Variants in TBL1X observed in about 807,000 individuals in gnomAD.
The protein encoded by TBL1X is transducin beta like 1 X-linked.
TBL1X carries 10 observed loss-of-function variants against 50.7 expected under a neutral mutation model. That is an observed-to-expected ratio of 0.20 (90% CI 0.12 to 0.33). The LOEUF (loss-of-function observed/expected upper bound fraction) is 0.33. TBL1X is among the 10% of genes least tolerant of loss of function. TBL1X has a pLI of 1.00. For synonymous variants in TBL1X, 190 were observed against 214.7 expected, an observed-to-expected ratio of 0.88 and a Z score of 1.01; for missense variants, 340 against 504.4, an observed-to-expected ratio of 0.67 and a Z score of 3.12.
At chrX:9,563,549 A>T (rs1281935365) in intron 2 of TBL1X, among the ~76,000 whole-genome samples, 2 of 112,762 alleles carry the variant, frequency 1.8e-5, no homozygotes, top group Non-Finnish European at 3.7e-5. Context: ...ATTTTAAAAA[A>T]TTTTTGGCAT....
chrX:9,658,149 G>A (rs1229111192), intron 5 of TBL1X, among the ~76,000 whole-genome samples: 44 of 111,421 alleles, frequency 3.9e-4, no homozygotes, highest in Non-Finnish European at 7.5e-5. Flanking sequence ...TGATTGTGAG[G>A]CCTCCCCAGC....
Position 9,693,125 on chromosome X carries a change from G to T in TBL1X, c.892-24G>T, listed in dbSNP as rs3747430. 530,071 of 1,207,968 alleles carry T rather than the reference G, an allele frequency of 0.44. 79,864 individuals are homozygous for T. The highest frequency in any genetic ancestry group is 0.59 in the African/African-American group (33,346 of 56,666). ...GCCGCTCCTAAGTTGTTTTTGTGGG[G>T]TTTTGTCTCTTTCTGGCCCTCAGAC... On this transcript the variant is annotated intron_variant, in intron 9 of 17. Coordinates refer to ENST00000645353, the MANE Select transcript of TBL1X (RefSeq NM_005647.4).
rs768036252 is a variant in TBL1X, at chrX:9,688,225, A to G, written c.566A>G (p.Lys189Arg). Residue 189 changes from lysine to arginine, a missense_variant, in exon 7 of 18, where the codon AAG becomes AGG. Lys to Arg is a conservative substitution (Grantham distance 26, BLOSUM62 2). Around this residue, in one of 6 missense-constraint regions of TBL1X, gnomAD observed 99 missense variants for 93.3 expected, o/e 1.06. Coordinates refer to ENST00000645353, the MANE Select transcript of TBL1X (RefSeq NM_005647.4). ...GGCGTTTCCCACCAAAATCCATCGAAGAACAGAGAGGCCACGGTGAATGGG... is the reference window on the plus strand; with the variant it reads ...GGCGTTTCCCACCAAAATCCATCGAGGAACAGAGAGGCCACGGTGAATGGG... ...SAGVSHQNPS[K>R]NREATVNGEE... 1.3e-5 allele frequency: 16 copies of G among 1,200,179 alleles called. No homozygotes were observed. The highest frequency in any genetic ancestry group is 2.3e-4 in the Middle Eastern group (1 of 4,339).
At chrX:9,496,226 T>A (rs1432064123) in intron 1 of TBL1X, among the ~76,000 whole-genome samples, 1 of 110,587 alleles carries the variant, frequency 9.0e-6, no homozygotes, top group Non-Finnish European at 1.9e-5. Flanking sequence ...GAAAGAGAGG[T>A]GGGGACTGAG....
chrX:9,657,635 C>T (rs1040161411), intron 5 of TBL1X, among the ~76,000 whole-genome samples: 1 of 112,479 alleles, frequency 8.9e-6, no homozygotes, highest in African/African-American at 3.2e-5. Flanking sequence ...TTTAGCAAAC[C>T]ACATATATTT....
At chrX:9,632,019 C>T (rs2082724201) in intron 2 of TBL1X, among the ~76,000 whole-genome samples, 1 of 112,469 alleles carries the variant, frequency 8.9e-6, no homozygotes, top group Admixed American at 9.4e-5. Flanking sequence ...TTAAAGATTT[C>T]ATTGTCTTCT....
chrX:9,714,003 C>T (rs1192475825), intron 16 of TBL1X, among the ~76,000 whole-genome samples: 1 of 110,691 alleles, frequency 9.0e-6, no homozygotes, highest in Non-Finnish European at 1.9e-5. Context: ...TTTGTAGAGA[C>T]GAAGTCTCAC....
intron 2 of TBL1X, among the ~76,000 whole-genome samples, chrX:9,582,225 T>C (rs1489758554): frequency 8.9e-6 from 1 of 112,238 alleles, no homozygotes; most frequent in East Asian, 2.8e-4. Context: ...TAAAGTGTTT[T>C]CACAGTAGCT....
chrX:9,630,857 T>G (rs2082717696), intron 2 of TBL1X, among the ~76,000 whole-genome samples: 1 of 112,612 alleles, frequency 8.9e-6, no homozygotes, highest in Admixed American at 9.4e-5. Context: ...ATTAGAGGCG[T>G]GAGCCACCAC....
At chrX:9,539,035 G>C (rs1360511282) in intron 2 of TBL1X, among the ~76,000 whole-genome samples, 1 of 112,435 alleles carries the variant, frequency 8.9e-6, no homozygotes, top group Non-Finnish European at 1.9e-5. Flanking sequence ...TTACTCTGAT[G>C]GGGAGATACT....
intron 1 of TBL1X, among the ~76,000 whole-genome samples, chrX:9,467,728 C>T (rs2081785665): frequency 9.0e-6 from 1 of 111,577 alleles, no homozygotes; most frequent in African/African-American, 3.3e-5. Context: ...CCACTCCCGC[C>T]CTCACTTTCT....
intron 2 of TBL1X, among the ~76,000 whole-genome samples, chrX:9,601,394 C>A (rs17255104): frequency 0.016 from 1,786 of 111,169 alleles, 13 homozygotes; most frequent in Middle Eastern, 0.042. Flanking sequence ...TGCAAAGATA[C>A]AGGGGTAGCT....
chrX:9,619,763 C>T (rs1231039825), intron 2 of TBL1X, among the ~76,000 whole-genome samples: 1 of 111,289 alleles, frequency 9.0e-6, no homozygotes, highest in African/African-American at 3.3e-5. Flanking sequence ...GGTGGAGGTG[C>T]GGACCGGAGT....
At chrX:9,611,687 G>A (rs1292642937) in intron 2 of TBL1X, among the ~76,000 whole-genome samples, 2 of 112,368 alleles carry the variant, frequency 1.8e-5, no homozygotes, top group East Asian at 2.8e-4. Context: ...ATTTTGTTTG[G>A]GGTCACCTGG....
chrX:9,547,621 C>T (rs1382625614), intron 2 of TBL1X, among the ~76,000 whole-genome samples: 3 of 110,879 alleles, frequency 2.7e-5, no homozygotes, highest in Admixed American at 1.9e-4. Flanking sequence ...CGCCTAGCCT[C>T]GTATCTGTGT....
At chrX:9,621,598 T>C (rs1448768396) in intron 2 of TBL1X, among the ~76,000 whole-genome samples, 3 of 112,273 alleles carry the variant, frequency 2.7e-5, no homozygotes, top group Non-Finnish European at 5.6e-5. Context: ...AAATTAGACC[T>C]GAATATCTGT....
At chrX:9,522,265 A>G (rs370070147) in intron 2 of TBL1X, among the ~76,000 whole-genome samples, 2 of 110,909 alleles carry the variant, frequency 1.8e-5, no homozygotes, top group South Asian at 3.8e-4. Context: ...CAATGCTTCC[A>G]CCTCGGCCTC....
At chrX:9,625,867 G>C (rs1025605632) in intron 2 of TBL1X, among the ~76,000 whole-genome samples, 2 of 111,251 alleles carry the variant, frequency 1.8e-5, no homozygotes, top group African/African-American at 6.5e-5. Context: ...TGAACCCGGC[G>C]GGGGGGCGGA....
chrX:9,684,302 C>A (rs2083043358), intron 6 of TBL1X, 114 bp downstream of exon 6: 4 of 1,025,519 alleles, frequency 3.9e-6, no homozygotes, highest in Non-Finnish European at 5.3e-6. Flanking sequence ...ATTAATTCCG[C>A]GGCAGGGTGC....
Sources: allele counts gnomAD v4.1 joint callset (sites outside exome capture counted in the v4.1 genomes callset), GRCh38; gene constraint gnomAD v4.1.1; regional missense constraint gnomAD v4.1.1; transcripts MANE v1.5; gene names NCBI Gene and HGNC (gene_info 2026-07-23, HGNC 2026-07-21).